The following CALN1 variants were observed in gnomAD, a reference collection of about 807,000 sequenced individuals.
CALN1 encodes calcium-binding protein 8.
CALN1 carries 17 observed loss-of-function variants against 30.6 expected under a neutral mutation model. That is an observed-to-expected ratio of 0.56 (90% CI 0.38 to 0.83). The LOEUF (loss-of-function observed/expected upper bound fraction) is 0.83. CALN1 is among the 40% of genes least tolerant of loss of function. The pLI is 0.00. For missense variants in CALN1, 291 were observed against 354.9 expected, an observed-to-expected ratio of 0.82 and a Z score of 1.45; for synonymous variants, 156 against 131.4, an observed-to-expected ratio of 1.19 and a Z score of -1.28.
intron 2 of CALN1, among the ~76,000 whole-genome samples, chr7:72,313,802 A>G (rs1251511989): frequency 6.6e-6 from 1 of 152,236 alleles, no homozygotes; most frequent in African/African-American, 2.4e-5. Flanking sequence ...CTAAAATAAG[A>G]ACAAAGAACA....
intron 5 of CALN1, among the ~76,000 whole-genome samples, chr7:71,866,399 G>A (rs996569262): frequency 3.3e-5 from 5 of 151,908 alleles, no homozygotes; most frequent in Admixed American, 1.3e-4. Context: ...TGTATATTAT[G>A]CAATATACAT....
intron 2 of CALN1, among the ~76,000 whole-genome samples, chr7:72,286,060 G>A (rs745827363): frequency 4.6e-5 from 7 of 152,192 alleles, no homozygotes; most frequent in Non-Finnish European, 7.3e-5. Context: ...CATAAAATCA[G>A]TGCAGTTAGG....
chr7:71,980,050 G>A (rs1798312009), intron 5 of CALN1, among the ~76,000 whole-genome samples: 1 of 151,174 alleles, frequency 6.6e-6, no homozygotes, highest in South Asian at 2.1e-4. Flanking sequence ...GTTAGTTTTT[G>A]TATTTTTAGA....
intron 5 of CALN1, among the ~76,000 whole-genome samples, chr7:71,888,432 C>CAAGAGA (rs1554367847): frequency 7.8e-6 from 1 of 128,398 alleles, no homozygotes; most frequent in East Asian, 2.3e-4. Flanking sequence ...AAGCCATTAT[C>CAAGAGA]GAGAGAGAGA....
At chr7:72,379,998 T>C (rs968379082) in intron 2 of CALN1, among the ~76,000 whole-genome samples, 1 of 152,232 alleles carries the variant, frequency 6.6e-6, no homozygotes, top group South Asian at 2.1e-4. Context: ...AGTATGCCTG[T>C]CGGTCTATGT....
At chr7:71,873,001 A>AGTTTTT (rs1792029597) in intron 5 of CALN1, among the ~76,000 whole-genome samples, 1 of 115,618 alleles carries the variant, frequency 8.6e-6, no homozygotes, top group African/African-American at 3.6e-5. Flanking sequence ...GTTTGTGACA[A>AGTTTTT]TTTTTTTTTT....
At chr7:71,806,250 GCA>G (rs748073948) in intron 6 of CALN1, among the ~76,000 whole-genome samples, 73 of 108,886 alleles carry the variant, frequency 6.7e-4, no homozygotes, top group African/African-American at 7.5e-4. Flanking sequence ...GTGCACGCAT[GCA>G]CACACACACA....
chr7:72,113,670 T>C (rs760974443), intron 3 of CALN1, among the ~76,000 whole-genome samples: 1 of 152,236 alleles, frequency 6.6e-6, no homozygotes, highest in Non-Finnish European at 1.5e-5. Context: ...TTTCTATATG[T>C]CTCCACTGGT....
intron 1 of CALN1, among the ~76,000 whole-genome samples, chr7:72,438,520 G>T (rs966033539): frequency 6.6e-6 from 1 of 152,126 alleles, no homozygotes; most frequent in African/African-American, 2.4e-5. Context: ...GTTTTGCAAG[G>T]TCTTCTACCT....
chr7:72,246,903 C>T (rs773881264), intron 3 of CALN1, among the ~76,000 whole-genome samples: 35 of 151,982 alleles, frequency 2.3e-4, no homozygotes, highest in Non-Finnish European at 4.6e-4. Flanking sequence ...TACAGGCATG[C>T]GCCACCATGC....
intron 5 of CALN1, among the ~76,000 whole-genome samples, chr7:71,843,079 G>A (rs910628928): frequency 1.3e-5 from 2 of 152,054 alleles, no homozygotes; most frequent in Non-Finnish European, 2.9e-5. Context: ...GGTATTGGAC[G>A]GCCTCCAAAT....
intron 2 of CALN1, among the ~76,000 whole-genome samples, chr7:72,385,395 T>G (rs1475370617): frequency 6.6e-6 from 1 of 152,154 alleles, no homozygotes; most frequent in African/African-American, 2.4e-5. Context: ...GTGGAAGCAA[T>G]TAAGGTGTCC....
chr7:72,381,644 G>A lies in CALN1; in HGVS notation c.119+21607C>T, dbSNP rs552079722. ...GTGTTCTCACTCATAAGCGGGAGCTGAATAATGAGAACGTATGGAAACAGG... is the reference window on the plus strand; with the variant it reads ...GTGTTCTCACTCATAAGCGGGAGCTAAATAATGAGAACGTATGGAAACAGG... On this transcript the variant is annotated intron_variant, in intron 2 of 6. Coordinates refer to ENST00000395275, the MANE Select transcript of CALN1 (RefSeq NM_031468.4). Among the ~76,000 whole-genome samples, 3 of 152,264 alleles carry A rather than the reference G, an allele frequency of 2.0e-5. No homozygotes were observed. In the East Asian group the frequency reaches 5.8e-4, roughly 29 times the overall value.
the CALN1 span, among the ~76,000 whole-genome samples, chr7:72,462,888 C>A: frequency 6.6e-6 from 1 of 152,220 alleles, no homozygotes. Context: ...TCTTCTTCCC[C>A]TCTCTCAACT....
intron 5 of CALN1, among the ~76,000 whole-genome samples, chr7:72,020,073 T>G (rs1482602868): frequency 2.0e-5 from 3 of 152,156 alleles, no homozygotes; most frequent in Admixed American, 6.5e-5. Context: ...TTTTGTTTTA[T>G]TTTTTGAGAC....
chr7:71,796,061 G>A (rs907779029), intron 6 of CALN1, among the ~76,000 whole-genome samples: 4 of 151,474 alleles, frequency 2.6e-5, no homozygotes, highest in East Asian at 3.9e-4. Context: ...TCCTGACCTC[G>A]TGATCCACCC....
intron 2 of CALN1, among the ~76,000 whole-genome samples, chr7:72,333,557 G>A (rs888928974): frequency 3.3e-5 from 5 of 152,108 alleles, no homozygotes; most frequent in African/African-American, 9.7e-5. Flanking sequence ...CTGTTTTAAC[G>A]AGCATCAGAG....
At chr7:72,155,255 G>GA (rs537082729) in intron 3 of CALN1, among the ~76,000 whole-genome samples, 144 of 152,184 alleles carry the variant, frequency 9.5e-4, no homozygotes, top group African/African-American at 3.3e-3. Flanking sequence ...AGAACAGTTA[G>GA]AAAATATGTG....
At chr7:72,396,047 C>A (rs927857030) in intron 2 of CALN1, among the ~76,000 whole-genome samples, 4 of 151,650 alleles carry the variant, frequency 2.6e-5, no homozygotes, top group Non-Finnish European at 5.9e-5. Context: ...TTGTTCCCTC[C>A]AGAATCTGAT....
Sources: gnomAD v4.1 joint callset for allele counts (sites outside exome capture counted in the v4.1 genomes callset) on GRCh38, gnomAD v4.1.1 for gene constraint, MANE v1.5 for transcripts, NCBI Gene and HGNC (gene_info 2026-07-23, HGNC 2026-07-21) for gene names.